SBF2: variants seen among roughly 807,000 people sequenced by gnomAD.
SBF2 encodes the protein myotubularin-related protein 13.
SBF2 carries 112 observed loss-of-function variants against 225.2 expected under a neutral mutation model. That is an observed-to-expected ratio of 0.50 (90% CI 0.43 to 0.58). SBF2 has a LOEUF of 0.58. Ranked by LOEUF, SBF2 falls within the 20% of genes least tolerant of loss-of-function variation. The pLI, the probability that SBF2 is intolerant of heterozygous loss-of-function variation, is 0.00. For synonymous variants in SBF2, 763 were observed against 773.3 expected (o/e 0.99, Z 0.22); for missense variants, 1,996 against 2,206.2 (o/e 0.90, Z 1.91).
At chr11:10,124,730 T>G (rs1167018943) in intron 2 of SBF2, among the ~76,000 whole-genome samples, 1 of 152,154 alleles carries the variant, frequency 6.6e-6, no homozygotes, top group African/African-American at 2.4e-5. Flanking sequence ...TCTCATTAAC[T>G]GAGGAAGGTC....
At chr11:10,217,490 C>T (rs893632036) in intron 1 of SBF2, among the ~76,000 whole-genome samples, 1 of 152,128 alleles carries the variant, frequency 6.6e-6, no homozygotes, top group African/African-American at 2.4e-5. Flanking sequence ...AAATAAGTGG[C>T]AAATCTGTGA....
intron 2 of SBF2, among the ~76,000 whole-genome samples, chr11:10,081,760 A>C (rs576027948): frequency 1.5e-3 from 52 of 34,084 alleles, no homozygotes; most frequent in African/African-American, 3.6e-3. Context: ...ACTCCACCTC[A>C]AAAAAAAAAA....
chr11:9,892,633 C>T (rs1181762144), intron 17 of SBF2, among the ~76,000 whole-genome samples: 1 of 151,636 alleles, frequency 6.6e-6, no homozygotes, highest in East Asian at 1.9e-4. Flanking sequence ...GCTCTCGGTT[C>T]ATGGCAACCT....
chr11:10,111,056 T>C (rs987530425), intron 2 of SBF2, among the ~76,000 whole-genome samples: 5 of 152,160 alleles, frequency 3.3e-5, no homozygotes, highest in Admixed American at 1.3e-4. Context: ...GGAGTATAAA[T>C]ATACACATAC....
chr11:10,115,193 C>T (rs561146341), intron 2 of SBF2, among the ~76,000 whole-genome samples: 3 of 152,080 alleles, frequency 2.0e-5, no homozygotes, highest in Non-Finnish European at 2.9e-5. Flanking sequence ...TTTCTCTGAA[C>T]AATATATTCA....
Position 10,140,615 on chromosome 11 carries a change from C to CA in SBF2, c.141+53286dup, listed in dbSNP as rs374850787. Among the ~76,000 whole-genome samples, 207 of 152,282 alleles carry CA rather than the reference C, an allele frequency of 1.4e-3. 1 individual carries two copies. Among genetic ancestry groups the CA allele is most frequent in the African/African-American group, 4.5e-3 (187 of 41,562 alleles). On this transcript the variant is annotated intron_variant, in intron 2 of 39. Coordinates refer to ENST00000256190, the MANE Select transcript of SBF2 (RefSeq NM_030962.4). ...ACACTCATAAGTAAAGTGTTACCCT[C>CA]AGTTTTGTCAGCTGTTCTAGAAAAT...
At chr11:9,837,772 T>G (rs1355301981) in intron 26 of SBF2, among the ~76,000 whole-genome samples, 1 of 151,978 alleles carries the variant, frequency 6.6e-6, no homozygotes, top group Non-Finnish European at 1.5e-5. Flanking sequence ...GGAGTGTTGC[T>G]CTGTCACCAG....
At chr11:10,029,664 AT>A in intron 5 of SBF2, 100 bp downstream of exon 5, 1 of 914,070 alleles carries the variant, frequency 1.1e-6, no homozygotes, top group Non-Finnish European at 1.8e-6. Context: ...AAACAAAAAT[AT>A]TTAAAGAATT....
At chr11:10,122,933 G>T (rs1953547950) in intron 2 of SBF2, among the ~76,000 whole-genome samples, 1 of 152,122 alleles carries the variant, frequency 6.6e-6, no homozygotes, top group Admixed American at 6.6e-5. Flanking sequence ...TGCATAGCTT[G>T]TACAGCATGT....
chr11:9,963,921 C>G, intron 14 of SBF2, 39 bp from the exon 15 acceptor site: 1 of 1,207,446 alleles, frequency 8.3e-7, no homozygotes, highest in Non-Finnish European at 1.2e-6. Context: ...ATAAATTAAA[C>G]TTCTTTGGTA....
chr11:10,223,373 C>A (rs1958410080), intron 1 of SBF2, among the ~76,000 whole-genome samples: 1 of 127,752 alleles, frequency 7.8e-6, no homozygotes, highest in African/African-American at 2.9e-5. Context: ...AGAAGCCTTA[C>A]CAATAAACAA....
intron 6 of SBF2, chr11:10,016,771 C>G (rs192042666): frequency 6.6e-6 from 1 of 152,266 alleles, no homozygotes; most frequent in East Asian, 1.9e-4. Flanking sequence ...CAGGCGTGAG[C>G]CACCGTGCCT....
intron 2 of SBF2, among the ~76,000 whole-genome samples, chr11:10,063,514 C>G (rs1369365967): frequency 6.6e-6 from 1 of 151,344 alleles, no homozygotes; most frequent in African/African-American, 2.4e-5. Context: ...CCCTGCACCA[C>G]GCCCAGCTAT....
intron 2 of SBF2, among the ~76,000 whole-genome samples, chr11:10,137,689 G>T (rs1954445879): frequency 6.6e-6 from 1 of 151,880 alleles, no homozygotes. Flanking sequence ...TCTGCTTTTG[G>T]TATCAGAGTA....
chr11:10,078,260 C>T (rs1951206393), intron 2 of SBF2, among the ~76,000 whole-genome samples: 1 of 152,176 alleles, frequency 6.6e-6, no homozygotes, highest in African/African-American at 2.4e-5. Context: ...ACCATTTGAT[C>T]CAGTGATCCC....
At chr11:10,087,515 T>A (rs1397943574) in intron 2 of SBF2, among the ~76,000 whole-genome samples, 1 of 152,240 alleles carries the variant, frequency 6.6e-6, no homozygotes, top group East Asian at 1.9e-4. Flanking sequence ...TAATAGAAGT[T>A]AAATTTAGTT....
intron 2 of SBF2, among the ~76,000 whole-genome samples, chr11:10,178,469 T>A (rs915598052): frequency 4.1e-5 from 6 of 146,440 alleles, no homozygotes; most frequent in African/African-American, 1.5e-4. Context: ...ATATCCAGAA[T>A]CTACAATGAA....
intron 2 of SBF2, among the ~76,000 whole-genome samples, chr11:10,067,467 A>G (rs956823519): frequency 6.6e-6 from 1 of 152,172 alleles, no homozygotes; most frequent in Admixed American, 6.5e-5. Flanking sequence ...TGCCAAAACA[A>G]CTCTGAAACA....
intron 16 of SBF2, among the ~76,000 whole-genome samples, chr11:9,907,521 T>C (rs1163533655): frequency 6.6e-6 from 1 of 152,208 alleles, no homozygotes; most frequent in South Asian, 2.1e-4. Context: ...ATTTTTTTAT[T>C]ACAGTTTCAG....
Sources: allele counts gnomAD v4.1 joint callset (sites outside exome capture counted in the v4.1 genomes callset), GRCh38; gene constraint gnomAD v4.1.1; transcripts MANE v1.5; gene names NCBI Gene and HGNC (gene_info 2026-07-23, HGNC 2026-07-21).